Variants in ANKRD28 observed in about 807,000 individuals in gnomAD.
ANKRD28 encodes ankyrin repeat domain 28, also known as serine/threonine-protein phosphatase 6 regulatory ankyrin repeat subunit A.
ANKRD28 carries 44 observed loss-of-function variants against 126.5 expected under a neutral mutation model. The ratio of observed to expected loss-of-function variants is 0.35; its 90% CI spans 0.27 to 0.45. The LOEUF (loss-of-function observed/expected upper bound fraction) is 0.45, where lower values mean the gene tolerates loss of function less well. ANKRD28 is among the 20% of genes least tolerant of loss of function. ANKRD28 has a pLI of 1.00. For synonymous variants in ANKRD28, 442 were observed against 468.5 expected, an observed-to-expected ratio of 0.94 and a Z score of 0.73; for missense variants, 1,110 against 1,316.6, an observed-to-expected ratio of 0.84 and a Z score of 2.43.
At chr3:15,731,060 T>G (rs1254464749) in intron 6 of ANKRD28, among the ~76,000 whole-genome samples, 2 of 152,258 alleles carry the variant, frequency 1.3e-5, no homozygotes, top group Non-Finnish European at 2.9e-5. Context: ...ATAAAATTTC[T>G]GTTCTTTATA....
intron 21 of ANKRD28, among the ~76,000 whole-genome samples, chr3:15,680,025 T>G (rs1174160406): frequency 6.6e-6 from 1 of 152,152 alleles, no homozygotes; most frequent in Non-Finnish European, 1.5e-5. Flanking sequence ...TATAAGGGAC[T>G]TGAGCGCCTG....
intron 3 of ANKRD28, among the ~76,000 whole-genome samples, chr3:15,761,614 A>C (rs1180394966): frequency 6.6e-6 from 1 of 152,142 alleles, no homozygotes; most frequent in Non-Finnish European, 1.5e-5. Flanking sequence ...TTGTCTGAAG[A>C]CTATTCTTCT....
intron 2 of ANKRD28, among the ~76,000 whole-genome samples, chr3:15,782,856 C>T (rs1162450458): frequency 6.6e-6 from 1 of 152,076 alleles, no homozygotes; most frequent in African/African-American, 2.4e-5. Context: ...TCTCTTAGAA[C>T]ACACCTTTGT....
At chr3:15,706,099 T>A (rs1252330806) in intron 14 of ANKRD28, among the ~76,000 whole-genome samples, 1 of 152,164 alleles carries the variant, frequency 6.6e-6, no homozygotes, top group African/African-American at 2.4e-5. Flanking sequence ...GAAATCTTTT[T>A]TTTATTGTTA....
chr3:15,735,274 T>C, intron 6 of ANKRD28, 136 bp downstream of exon 6: 1 of 620,578 alleles, frequency 1.6e-6, no homozygotes, highest in Non-Finnish European at 2.6e-6. Flanking sequence ...AGGGTTGTTC[T>C]ACCTGGGCAT....
rs1345243617 is a variant in ANKRD28, at chr3:15,777,286, AAAG to A, written c.202-10977_202-10975del. On this transcript the variant is annotated intron_variant, in intron 2 of 27. Coordinates refer to ENST00000683139, the MANE Select transcript of ANKRD28 (RefSeq NM_001349278.2). ...GACTCCGTCTCAAAAAAAAAAAAAA[AAAG>A]AAAAAAAAGAAAAAAGTCACCTGAA... is the stretch of plus-strand genomic sequence containing the variant. 1.2e-4 allele frequency among the ~76,000 whole-genome samples: 18 copies of A among 150,600 alleles called. No individual in the cohort carries two copies. In the South Asian group the frequency reaches 3.0e-3, roughly 25 times the overall value.
At chr3:15,772,836 A>G (rs1307887616) in intron 2 of ANKRD28, among the ~76,000 whole-genome samples, 1 of 152,126 alleles carries the variant, frequency 6.6e-6, no homozygotes, top group Non-Finnish European at 1.5e-5. Flanking sequence ...ACAGGCACAT[A>G]CAACCACGCC....
intron 6 of ANKRD28, among the ~76,000 whole-genome samples, chr3:15,729,913 G>A (rs1459602831): frequency 2.0e-5 from 3 of 152,144 alleles, no homozygotes; most frequent in Admixed American, 6.5e-5. Flanking sequence ...TTTTTGAGAC[G>A]GTTTTGGCTC....
intron 13 of ANKRD28, 115 bp downstream of exon 13, chr3:15,709,553 C>G: frequency 1.6e-6 from 1 of 629,844 alleles, no homozygotes; most frequent in Non-Finnish European, 2.7e-6. Context: ...CTCAATGAAT[C>G]ATGATCAGTG....
At position 15,796,726 on chromosome 3, in the gene ANKRD28, A is replaced by T. The variant is rs961327931; in HGVS notation, c.-205T>A. ...CTACATAATTTGTAACTTCCTAAAT[A>T]TAACGAAATTCTATTATTTCTGTTG... is the stretch of plus-strand genomic sequence containing the variant. On this transcript the variant is annotated 5_prime_UTR_variant, in exon 1 of 28. Transcript: ENST00000683139. The T allele has an allele frequency of 2.0e-6, 2 of 987,008 alleles. No individual in the cohort carries two copies. Among genetic ancestry groups the T allele is most frequent in the Middle Eastern group, 5.1e-4 (1 of 1,946 alleles). The allele number at this position is 987,008 out of a possible 1,614,324, so 61.1% of individuals were successfully genotyped here.
intron 14 of ANKRD28, among the ~76,000 whole-genome samples, chr3:15,698,403 G>A (rs1322842996): frequency 1.3e-5 from 2 of 152,176 alleles, no homozygotes; most frequent in African/African-American, 2.4e-5. Context: ...AATCAGGCAA[G>A]AGAAAGAAAT....
rs757484959 is a variant in ANKRD28, at chr3:15,714,561, A to G, written c.1075+17T>C. 20 of 1,558,198 alleles carry G rather than the reference A, an allele frequency of 1.3e-5. No individual in the cohort carries two copies. The highest frequency in any genetic ancestry group is 1.6e-5 in the Non-Finnish European group (19 of 1,160,982). ...AAAAAAAAAAAACCCCAAAAAAAAA[A>G]CAGAAATACTTTTTACCACTCTGGA... is the stretch of plus-strand genomic sequence containing the variant. On this transcript the variant is annotated intron_variant, in intron 9 of 27. Transcript: ENST00000683139.
chr3:15,670,762 C>A (rs2066255806), intron 27 of ANKRD28, among the ~76,000 whole-genome samples: 1 of 152,124 alleles, frequency 6.6e-6, no homozygotes, highest in Non-Finnish European at 1.5e-5. Context: ...GGATGTTAGA[C>A]TAGACAACAG....
Position 15,843,777 on chromosome 3 carries a change from A to ATT in ANKRD28, c.27+15599_27+15600insAA, listed in dbSNP as rs1409234218. ...CCAGTTTGAGCCAAAAATAATAAAA[A>ATT]AAAAAAAGAGGCAGAAATCAAAATG... On this transcript the variant is annotated intron_variant, in intron 1 of 27. Transcript: ENST00000399451. The surrounding 1 kb of genome is among the most constrained non-coding windows in gnomAD (Gnocchi z 5.2). Among the ~76,000 whole-genome samples, 6 of 152,068 alleles carry ATT rather than the reference A, an allele frequency of 3.9e-5. No individual in the cohort carries two copies. The highest frequency in any genetic ancestry group is 1.4e-4 in the African/African-American group (6 of 41,522).
chr3:15,694,589 G>T, intron 17 of ANKRD28, 150 bp downstream of exon 17: 8 of 476,458 alleles, frequency 1.7e-5, no homozygotes, highest in South Asian at 5.7e-5. Context: ...GTAATTCTCT[G>T]AATTAAAGAA....
chr3:15,695,197 A>T lies in ANKRD28; in HGVS notation c.1677T>A (p.Pro559=). ...LCLQLIASET[P]LDVLMETSGT... is the part of the protein sequence containing the mutation. ...ATTGACTAATACTTACAACATCTAG[A>T]GGAGTTTCACTTGCAATCTGAAATA... Residue 559 remains proline, a synonymous_variant, in exon 16 of 28, where the codon CCT becomes CCA. Transcript: ENST00000683139. The T allele has an allele frequency of 6.3e-7, 1 of 1,595,122 alleles. No individual in the cohort carries two copies. The highest frequency in any genetic ancestry group is 8.6e-7 in the Non-Finnish European group (1 of 1,168,496).
At chr3:15,823,111 G>GA (rs2060979420) in intron 1 of ANKRD28, among the ~76,000 whole-genome samples, 1 of 152,222 alleles carries the variant, frequency 6.6e-6, no homozygotes, top group African/African-American at 2.4e-5. Flanking sequence ...TGTTGTGAAA[G>GA]ACAATTTTTC....
chr3:15,847,071 C>A (rs2061546649), intron 1 of ANKRD28, among the ~76,000 whole-genome samples: 1 of 151,988 alleles, frequency 6.6e-6, no homozygotes, highest in Non-Finnish European at 1.5e-5. Context: ...GGCATTACCC[C>A]CAGAAGATCA....
intron 1 of ANKRD28, among the ~76,000 whole-genome samples, chr3:15,840,564 C>T (rs746261191): frequency 3.9e-5 from 6 of 151,948 alleles, no homozygotes; most frequent in Admixed American, 6.6e-5. Context: ...TATGGAACAA[C>T]AAAAGACCCA....
Sources: allele counts gnomAD v4.1 joint callset (sites outside exome capture counted in the v4.1 genomes callset), GRCh38; gene constraint gnomAD v4.1.1; non-coding constraint Gnocchi (gnomAD v3.1); transcripts MANE v1.5; gene names NCBI Gene and HGNC (gene_info 2026-07-23, HGNC 2026-07-21).